SNX29: variants seen among roughly 807,000 people sequenced by gnomAD.
SNX29 encodes the protein sorting nexin 29.
A neutral mutation model predicts 102.1 loss-of-function variants in SNX29; 78 were observed. That is an observed-to-expected ratio of 0.76 (90% CI 0.64 to 0.92). The LOEUF (loss-of-function observed/expected upper bound fraction) is 0.92, where lower values mean the gene tolerates loss of function less well. SNX29 is among the 40% of genes least tolerant of loss of function. The pLI, the probability that SNX29 is intolerant of heterozygous loss-of-function variation, is 0.00. For missense variants in SNX29, 1,280 were observed against 1,061.7 expected, an observed-to-expected ratio of 1.21 and a Z score of -2.86; for synonymous variants, 580 against 414.5, an observed-to-expected ratio of 1.40 and a Z score of -4.85.
In SNX29 at chr16:12,438,091, C is replaced by G. The variant is rs116418134; in HGVS notation, c.2037+34562C>G. Among the ~76,000 whole-genome samples the G allele has an allele frequency of 3.1e-3, 479 of 152,248 alleles. 2 individuals are homozygous for G. Among genetic ancestry groups the G allele is most frequent in the African/African-American group, 0.011 (446 of 41,530 alleles). On this transcript the variant is annotated intron_variant, in intron 18 of 20. Coordinates refer to ENST00000566228, the MANE Select transcript of SNX29 (RefSeq NM_032167.5). ...TTTCCTGTTGACCTTTCCAAGCAGCCTCAGAGATTCACCTCTTGGCCTAGC... is the reference window on the plus strand; with the variant it reads ...TTTCCTGTTGACCTTTCCAAGCAGCGTCAGAGATTCACCTCTTGGCCTAGC...
intron 1 of SNX29, among the ~76,000 whole-genome samples, chr16:11,996,618 A>G (rs1332290364): frequency 2.0e-5 from 3 of 152,212 alleles, no homozygotes; most frequent in East Asian, 1.9e-4. Context: ...AACCCTGTCA[A>G]GTTTCCAGTT....
chr16:12,335,873 A>G (rs200512744), intron 15 of SNX29, among the ~76,000 whole-genome samples: 2 of 151,870 alleles, frequency 1.3e-5, no homozygotes, highest in Non-Finnish European at 2.9e-5. Flanking sequence ...CAGGATCACC[A>G]CATGCTCAAG....
chr16:12,224,141 T>G (rs1225293648), intron 14 of SNX29, among the ~76,000 whole-genome samples: 5 of 152,152 alleles, frequency 3.3e-5, no homozygotes, highest in Non-Finnish European at 1.5e-5. Flanking sequence ...TCTCAGCATG[T>G]AAAATACTAC....
chr16:12,314,705 T>C (rs991330725), intron 15 of SNX29, among the ~76,000 whole-genome samples: 2 of 152,236 alleles, frequency 1.3e-5, no homozygotes, highest in Non-Finnish European at 2.9e-5. Flanking sequence ...TGGTGGATTT[T>C]ATAACACTAA....
chr16:12,547,233 C>A (rs1010616584), intron 20 of SNX29, among the ~76,000 whole-genome samples: 1 of 152,170 alleles, frequency 6.6e-6, no homozygotes, highest in Non-Finnish European at 1.5e-5. Flanking sequence ...GGGAGCCAGG[C>A]AGTGGACACA....
chr16:12,478,560 T>C (rs532778682), intron 19 of SNX29, among the ~76,000 whole-genome samples: 3 of 152,228 alleles, frequency 2.0e-5, no homozygotes, highest in Non-Finnish European at 4.4e-5. Context: ...CAGTCATTAA[T>C]TGGGCTCCAA....
At chr16:12,479,123 G>T (rs557891708) in intron 19 of SNX29, among the ~76,000 whole-genome samples, 1 of 152,314 alleles carries the variant, frequency 6.6e-6, no homozygotes, top group African/African-American at 2.4e-5. Flanking sequence ...TGGGCTCACC[G>T]TAGACATGCT....
intron 8 of SNX29, among the ~76,000 whole-genome samples, chr16:12,060,419 C>A (rs989337289): frequency 2.6e-5 from 4 of 152,238 alleles, no homozygotes; most frequent in South Asian, 4.1e-4. Context: ...TAGGGAGACC[C>A]TGTTTTCACA....
chr16:12,267,514 T>C (rs550138493), intron 14 of SNX29, among the ~76,000 whole-genome samples: 43 of 152,328 alleles, frequency 2.8e-4, no homozygotes, highest in African/African-American at 1.0e-3. Flanking sequence ...CTTTAGGCAG[T>C]AGCCCCTTAG....
Position 12,109,144 on chromosome 16 carries a change from A to AAG in SNX29, c.1403-17488_1403-17487insGA, listed in dbSNP as rs1555461963. Among the ~76,000 whole-genome samples, 529 of 130,556 alleles carry AAG rather than the reference A, an allele frequency of 4.1e-3. 36 individuals carry two copies. The highest frequency in any genetic ancestry group is 0.014 in the African/African-American group (437 of 31,858). 85.6% of individuals were successfully genotyped at this position (130,556 alleles called of 152,430 possible). A position where few individuals can be genotyped will look rare whatever the true frequency, so the allele number is the denominator to read the frequency against. ...CGCTGTCTCAAAAAAAAAAAAAAAA[A>AAG]AAAAAAAAAAAGAAAAGGAATTTAT... On this transcript the variant is annotated intron_variant, in intron 11 of 20. Transcript: ENST00000566228.
chr16:12,339,733 T>G (rs2081558253), intron 15 of SNX29, among the ~76,000 whole-genome samples: 1 of 152,238 alleles, frequency 6.6e-6, no homozygotes, highest in Non-Finnish European at 1.5e-5. Flanking sequence ...TTAGCAATTC[T>G]TGTCATGAAG....
At chr16:12,028,908 C>G (rs997102821) in intron 4 of SNX29, among the ~76,000 whole-genome samples, 1 of 151,904 alleles carries the variant, frequency 6.6e-6, no homozygotes, top group Non-Finnish European at 1.5e-5. Context: ...ACCACCATGC[C>G]TGGCTAGTTT....
At chr16:12,460,891 T>C (rs1597458166) in intron 18 of SNX29, among the ~76,000 whole-genome samples, 3 of 152,198 alleles carry the variant, frequency 2.0e-5, no homozygotes, top group Admixed American at 2.0e-4. Flanking sequence ...ACGCCTGACC[T>C]CAGCCTTCCA....
At position 12,571,996 on chromosome 16, in the gene SNX29, G is replaced by C; in HGVS notation, c.*3367G>C. The C allele has an allele frequency of 1.9e-6, 2 of 1,062,488 alleles. No individual in the cohort carries two copies. The highest frequency in any genetic ancestry group is 2.3e-6 in the Non-Finnish European group (2 of 877,524). The allele number at this position is 1,062,488 out of a possible 1,614,324, so 65.8% of individuals were successfully genotyped here. On this transcript the variant is annotated 3_prime_UTR_variant, in exon 21 of 21. Transcript: ENST00000566228. ...TAGCCATCTTCACATCCAGTCACCA[G>C]TTGCATCTAGGGAGCTGCTGGCTAT...
chr16:12,257,428 C>T (rs1404358431), intron 14 of SNX29, among the ~76,000 whole-genome samples: 4 of 152,186 alleles, frequency 2.6e-5, no homozygotes, highest in Admixed American at 2.6e-4. Context: ...AAGTCTCTTG[C>T]TATGTGCAGC....
chr16:12,048,511 A>G lies in SNX29; in HGVS notation c.639A>G (p.Gly213=), dbSNP rs1343145104. The part of the protein sequence containing the change: ...VTSLLKESTQ[G]VSSLFREITA... ...CCTTGCTGAAGGAGTCCACGCAAGG[A>G]GTGAGCAGCCTGTTCAGGGAGATCA... Residue 213 remains glycine (G), a synonymous_variant, in exon 7 of 21, where the codon GGA becomes GGG. Transcript: ENST00000566228. 6.2e-7 allele frequency: 1 copy of G among 1,613,824 alleles called. No homozygotes were observed. Among genetic ancestry groups the G allele is most frequent in the African/African-American group, 1.3e-5 (1 of 74,908 alleles).
intron 18 of SNX29, among the ~76,000 whole-genome samples, chr16:12,465,529 G>A (rs2087010844): frequency 1.3e-5 from 2 of 151,988 alleles, no homozygotes; most frequent in African/African-American, 4.8e-5. Flanking sequence ...ATATATGTGT[G>A]GATTTACTTC....
At chr16:12,296,408 A>G (rs1436414785) in intron 15 of SNX29, among the ~76,000 whole-genome samples, 1 of 151,982 alleles carries the variant, frequency 6.6e-6, no homozygotes, top group Non-Finnish European at 1.5e-5. Flanking sequence ...AATTTTTTTG[A>G]CACATCAGAA....
chr16:12,171,802 G>A lies in SNX29; in HGVS notation c.1596-27799G>A, dbSNP rs1325769183. Among the ~76,000 whole-genome samples the A allele has an allele frequency of 2.0e-5, 3 of 152,226 alleles. No homozygotes were observed. In the East Asian group the frequency reaches 5.8e-4, roughly 29 times the overall value. On this transcript the variant is annotated intron_variant, in intron 13 of 20. Coordinates refer to ENST00000566228, the MANE Select transcript of SNX29 (RefSeq NM_032167.5). ...TTGTTATATGTACTCAGCCTCTAATGTCTTGTGGTGTGGTGGTATGGCCCA... is the reference window on the plus strand; with the variant it reads ...TTGTTATATGTACTCAGCCTCTAATATCTTGTGGTGTGGTGGTATGGCCCA...
Sources: allele counts gnomAD v4.1 joint callset (sites outside exome capture counted in the v4.1 genomes callset), GRCh38; gene constraint gnomAD v4.1.1; transcripts MANE v1.5; gene names NCBI Gene and HGNC (gene_info 2026-07-23, HGNC 2026-07-21).